CFAP20DC: variants seen among roughly 807,000 people sequenced by gnomAD.
CFAP20DC encodes the protein protein CFAP20DC.
CFAP20DC carries 84 observed loss-of-function variants against 101.7 expected under a neutral mutation model. The observed-to-expected ratio is 0.83, with a 90% CI of 0.69 to 0.99. CFAP20DC has a LOEUF of 0.99. Ranked by LOEUF, CFAP20DC falls within the 50% of genes least tolerant of loss-of-function variation. CFAP20DC has a pLI of 0.00. For missense variants in CFAP20DC, 1,007 were observed against 970.3 expected, an observed-to-expected ratio of 1.04 and a Z score of -0.50; for synonymous variants, 359 against 351.2, an observed-to-expected ratio of 1.02 and a Z score of -0.25.
chr3:58,913,897 C>A lies in CFAP20DC; in HGVS notation c.394-33G>T. On this transcript the variant is annotated intron_variant, in intron 5 of 16. Transcript: ENST00000482387. The surrounding 1 kb of genome is among the most constrained non-coding windows in gnomAD (Gnocchi z 4.4). ...AGAGAGATGCAAAGAAGAGTAAGGA[C>A]CTTTCATCAACACATAAATGAACAA... 6.2e-7 allele frequency: 1 copy of A among 1,609,262 alleles called. No individual in the cohort carries two copies. The highest frequency in any genetic ancestry group is 8.5e-7 in the Non-Finnish European group (1 of 1,176,898).
At chr3:58,786,217 C>T (rs765527242) in intron 15 of CFAP20DC, among the ~76,000 whole-genome samples, 1 of 152,132 alleles carries the variant, frequency 6.6e-6, no homozygotes, top group Non-Finnish European at 1.5e-5. Flanking sequence ...ATATTTCCTC[C>T]GTGGTGATAT....
chr3:58,760,197 TC>T (rs2069414898), intron 15 of CFAP20DC, among the ~76,000 whole-genome samples: 3 of 152,226 alleles, frequency 2.0e-5, no homozygotes, highest in Admixed American at 2.0e-4. Flanking sequence ...CTTTGTATCC[TC>T]TTTTGTTTTG....
At chr3:58,784,409 T>C (rs1484014848) in intron 15 of CFAP20DC, among the ~76,000 whole-genome samples, 1 of 152,034 alleles carries the variant, frequency 6.6e-6, no homozygotes, top group Admixed American at 6.6e-5. Context: ...AAAAAAACTA[T>C]TGAGTTCTAT....
chr3:58,745,476 G>A (rs1288957002), intron 16 of CFAP20DC, among the ~76,000 whole-genome samples: 1 of 152,114 alleles, frequency 6.6e-6, no homozygotes, highest in Non-Finnish European at 1.5e-5. Context: ...GGGGGCGAAT[G>A]GAAGCTGGGC....
At chr3:59,024,407 C>T (rs574938268) in intron 4 of CFAP20DC, among the ~76,000 whole-genome samples, 6 of 152,048 alleles carry the variant, frequency 3.9e-5, no homozygotes, top group Non-Finnish European at 7.4e-5. Context: ...TTGCTCTGGC[C>T]CCTCAAGATC....
intron 5 of CFAP20DC, chr3:58,915,074 A>G (rs1371367855): frequency 6.6e-6 from 1 of 152,176 alleles, no homozygotes; most frequent in Admixed American, 6.6e-5. Flanking sequence ...GCGGTTCTTT[A>G]CAAAAGAATG....
intron 14 of CFAP20DC, among the ~76,000 whole-genome samples, chr3:58,813,940 T>C (rs891645408): frequency 5.9e-5 from 9 of 151,944 alleles, no homozygotes; most frequent in Non-Finnish European, 1.3e-4. Flanking sequence ...AATTTGGTTC[T>C]ATGATTTAGG....
chr3:58,752,419 T>C (rs1465705501), intron 16 of CFAP20DC, among the ~76,000 whole-genome samples: 1 of 152,180 alleles, frequency 6.6e-6, no homozygotes, highest in African/African-American at 2.4e-5. Flanking sequence ...ATGGAAGTTC[T>C]GTTTAGCTTC....
At chr3:58,738,190 T>A (rs780251715), downstream of CFAP20DC, among the ~76,000 whole-genome samples, 39 of 152,168 alleles carry the variant, frequency 2.6e-4, no homozygotes, top group Non-Finnish European at 3.8e-4. The surrounding 1 kb of genome is among the most constrained non-coding windows in gnomAD (Gnocchi z 4.4). Context: ...TCTTTTTTTT[T>A]AATTTTTAAG....
intron 4 of CFAP20DC, among the ~76,000 whole-genome samples, chr3:58,991,483 C>A (rs1467082058): frequency 1.3e-5 from 2 of 152,184 alleles, no homozygotes; most frequent in African/African-American, 4.8e-5. Context: ...CCTTCATGGT[C>A]TATATTTGCT....
chr3:58,893,353 T>C (rs574965763), intron 6 of CFAP20DC, among the ~76,000 whole-genome samples: 32 of 152,298 alleles, frequency 2.1e-4, no homozygotes, highest in East Asian at 1.5e-3. Flanking sequence ...CAAAGGAACG[T>C]TGAATTTTAT....
chr3:58,738,978 C>A (rs2067820101), downstream of CFAP20DC, among the ~76,000 whole-genome samples: 1 of 152,150 alleles, frequency 6.6e-6, no homozygotes, highest in South Asian at 2.1e-4. This position sits in a 1 kb window ranked among gnomAD's most constrained non-coding sequence, Gnocchi z 4.4. Context: ...GTTGTACATT[C>A]TGTGACTACA....
chr3:58,822,878 C>G (rs1342224217), intron 14 of CFAP20DC, among the ~76,000 whole-genome samples: 1 of 152,094 alleles, frequency 6.6e-6, no homozygotes, highest in African/African-American at 2.4e-5. Flanking sequence ...CTGAACACCC[C>G]CTGGAGCAGG....
At chr3:58,959,164 C>T (rs989534201) in intron 4 of CFAP20DC, among the ~76,000 whole-genome samples, 3 of 152,076 alleles carry the variant, frequency 2.0e-5, no homozygotes, top group Admixed American at 6.6e-5. Flanking sequence ...GTGCCATCTC[C>T]GCTCACTGCA....
intron 5 of CFAP20DC, among the ~76,000 whole-genome samples, chr3:58,936,611 C>T (rs2087672655): frequency 6.6e-6 from 1 of 152,136 alleles, no homozygotes; most frequent in Admixed American, 6.5e-5. Flanking sequence ...ATGAAGAGTT[C>T]ATGTCGTTTG....
At chr3:58,890,443 C>T (rs1029919152) in intron 6 of CFAP20DC, among the ~76,000 whole-genome samples, 2 of 145,582 alleles carry the variant, frequency 1.4e-5, no homozygotes, top group Admixed American at 1.3e-4. Context: ...GGGGCTGACC[C>T]CCCCCACGTC....
intron 16 of CFAP20DC, among the ~76,000 whole-genome samples, chr3:58,749,214 GC>G (rs1159816381): frequency 6.6e-6 from 1 of 152,144 alleles, no homozygotes; most frequent in Non-Finnish European, 1.5e-5. Flanking sequence ...TGTCCTAGAA[GC>G]CACACTAGGC....
intron 15 of CFAP20DC, among the ~76,000 whole-genome samples, chr3:58,774,597 C>G (rs1326218951): frequency 1.3e-5 from 2 of 152,172 alleles, no homozygotes; most frequent in African/African-American, 4.8e-5. Context: ...AGTTTAGTGT[C>G]ATCCTAGTTG....
chr3:58,739,998 TCCTGGTGGCC>T (rs1242247658), downstream of CFAP20DC, among the ~76,000 whole-genome samples: 1 of 152,006 alleles, frequency 6.6e-6, no homozygotes, highest in Non-Finnish European at 1.5e-5. Flanking sequence ...CAGAAGAGGG[TCCTGGTGGCC>T]CCTGGAACAA....
Sources: allele counts gnomAD v4.1 joint callset (sites outside exome capture counted in the v4.1 genomes callset), GRCh38; gene constraint gnomAD v4.1.1; non-coding constraint Gnocchi (gnomAD v3.1); transcripts MANE v1.5; gene names NCBI Gene and HGNC (gene_info 2026-07-23, HGNC 2026-07-21).